The following ZNF362 variants were observed in gnomAD, a reference collection of about 807,000 sequenced individuals.
The protein encoded by ZNF362 is zinc finger protein 362.
In ZNF362, 11 loss-of-function variants were observed where a neutral mutation model predicts 42.9. The ratio of observed to expected loss-of-function variants is 0.26; its 90% confidence interval spans 0.16 to 0.42. The LOEUF is 0.42. Ranked by LOEUF, ZNF362 falls within the 20% of genes least tolerant of loss-of-function variation. The pLI is 1.00. For synonymous variants in ZNF362, 255 were observed against 257.3 expected, an observed-to-expected ratio of 0.99 and a Z score of 0.09; for missense variants, 362 against 576.2, an observed-to-expected ratio of 0.63 and a Z score of 3.81.
chr1:33,244,778 G>A, the ZNF362 span, among the ~76,000 whole-genome samples: 11 of 152,324 alleles, frequency 7.2e-5, no homozygotes, highest in East Asian at 2.1e-3. The surrounding 1 kb of genome is among the most constrained non-coding windows in gnomAD (Gnocchi z 4.0). Context: ...GGATTAAAAG[G>A]GAGTGGGGGC....
At chr1:33,185,423 T>C in the ZNF362 span, among the ~76,000 whole-genome samples, 1 of 152,048 alleles carries the variant, frequency 6.6e-6, no homozygotes, top group East Asian at 1.9e-4. Context: ...GGTTTCACCA[T>C]GTTGGCCAGG....
the ZNF362 span, among the ~76,000 whole-genome samples, chr1:33,212,871 G>A: frequency 3.4e-3 from 513 of 152,230 alleles, 6 homozygotes; most frequent in African/African-American, 0.012. Flanking sequence ...AAATGAAAGC[G>A]TACGTGCATG....
the ZNF362 span, among the ~76,000 whole-genome samples, chr1:33,233,634 C>T: frequency 3.1e-3 from 474 of 152,280 alleles, 15 homozygotes; most frequent in East Asian, 0.08. Flanking sequence ...GAACTCCTGA[C>T]CTGAAATGAT....
chr1:33,286,671 C>G lies in ZNF362; in HGVS notation c.908+4860C>G, dbSNP rs77880723. Among the ~76,000 whole-genome samples the G allele has an allele frequency of 7.7e-4, 117 of 152,198 alleles. 1 individual carries two copies. The East Asian group carries it at 0.019, about 25-fold the overall frequency. On this transcript the variant is annotated intron_variant, in intron 6 of 8. Transcript: ENST00000539719. ...ACTCAGTGGCAAAGAGGCGAGTGTC[C>G]CACATGCCCAGAACTCCCAGGATTC...
chr1:33,139,424 G>T, the ZNF362 span, among the ~76,000 whole-genome samples: 2 of 152,208 alleles, frequency 1.3e-5, no homozygotes, highest in African/African-American at 4.8e-5. Flanking sequence ...ATGCCTAGTG[G>T]CAGTGGGAGA....
chr1:33,148,104 AG>A, the ZNF362 span, among the ~76,000 whole-genome samples: 5 of 152,064 alleles, frequency 3.3e-5, no homozygotes, highest in African/African-American at 9.7e-5. Context: ...ACTGCCCCCT[AG>A]GGGGAATGGG....
the ZNF362 span, among the ~76,000 whole-genome samples, chr1:33,161,084 A>G: frequency 1.3e-5 from 2 of 152,228 alleles, no homozygotes; most frequent in Non-Finnish European, 1.5e-5. This position sits in a 1 kb window ranked among gnomAD's most constrained non-coding sequence, Gnocchi z 4.3. Flanking sequence ...CTTATCTGTG[A>G]AAGGAGTAAC....
At chr1:33,154,154 A>G in the ZNF362 span, among the ~76,000 whole-genome samples, 1 of 152,226 alleles carries the variant, frequency 6.6e-6, no homozygotes, top group African/African-American at 2.4e-5. Context: ...GAGGGAGAAT[A>G]TGGCTCATTT....
chr1:33,176,967 C>T, the ZNF362 span, among the ~76,000 whole-genome samples: 1 of 152,140 alleles, frequency 6.6e-6, no homozygotes, highest in Non-Finnish European at 1.5e-5. Context: ...GGGCTCCTTC[C>T]CTCCACTTTG....
the ZNF362 span, among the ~76,000 whole-genome samples, chr1:33,198,456 A>G: frequency 1.3e-5 from 2 of 152,300 alleles, no homozygotes; most frequent in African/African-American, 4.8e-5. Context: ...GTTTGAGCTC[A>G]GGAGTTTGGA....
At chr1:33,295,684 C>T (rs1261192575) in intron 8 of ZNF362, among the ~76,000 whole-genome samples, 1 of 152,184 alleles carries the variant, frequency 6.6e-6, no homozygotes, top group African/African-American at 2.4e-5. Flanking sequence ...AGTGACATGG[C>T]CCATAGCCAC....
the ZNF362 span, among the ~76,000 whole-genome samples, chr1:33,201,068 T>C: frequency 6.6e-6 from 1 of 151,604 alleles, no homozygotes; most frequent in East Asian, 1.9e-4. Flanking sequence ...AGGAAATAAT[T>C]TTTTTTTTGT....
chr1:33,251,053 A>G, the ZNF362 span, among the ~76,000 whole-genome samples: 17 of 152,164 alleles, frequency 1.1e-4, no homozygotes, highest in Non-Finnish European at 2.2e-4. Flanking sequence ...AGTATTTCCA[A>G]AAGAGAGAAT....
chr1:33,299,177 G>T lies in ZNF362; in HGVS notation c.*131G>T. ...CACGACCTTCCCAATCTTCCAGAAA[G>T]CTTGGTCCGCAGAAGCCCTGCCTGG... On this transcript the variant is annotated 3_prime_UTR_variant, in exon 9 of 9. Transcript: ENST00000539719. 1 of 708,424 alleles carries T rather than the reference G, an allele frequency of 1.4e-6. No homozygotes were observed. Among genetic ancestry groups the T allele is most frequent in the Non-Finnish European group, 2.4e-6 (1 of 420,364 alleles). 43.9% of individuals were successfully genotyped at this position (708,424 alleles called of 1,614,324 possible).
At chr1:33,283,197 G>A (rs906391363) in intron 6 of ZNF362, among the ~76,000 whole-genome samples, 11 of 152,032 alleles carry the variant, frequency 7.2e-5, no homozygotes, top group African/African-American at 2.2e-4. Context: ...TCATGATCTC[G>A]GATCACTGCA....
the ZNF362 span, among the ~76,000 whole-genome samples, chr1:33,226,883 A>C: frequency 2.4e-4 from 37 of 152,188 alleles, no homozygotes; most frequent in Non-Finnish European, 4.1e-4. Context: ...AAAGCAAAAC[A>C]AAACAAGACA....
chr1:33,173,772 C>G, the ZNF362 span, among the ~76,000 whole-genome samples: 4 of 151,702 alleles, frequency 2.6e-5, no homozygotes, highest in Admixed American at 2.0e-4. Flanking sequence ...AATCATAGCT[C>G]ACTATAGCCT....
the ZNF362 span, among the ~76,000 whole-genome samples, chr1:33,236,550 A>AAAAATAT: frequency 0.031 from 187 of 5,982 alleles, 29 homozygotes; most frequent in African/African-American, 0.069. Context: ...AAAAAAAAAA[A>AAAAATAT]ATATATATAT....
intron 8 of ZNF362, among the ~76,000 whole-genome samples, chr1:33,296,613 T>C (rs1189590071): frequency 6.7e-6 from 1 of 150,002 alleles, no homozygotes; most frequent in Non-Finnish European, 1.5e-5. Context: ...GGTGAAGCCT[T>C]GAAGGATAAT....
Sources: allele counts gnomAD v4.1 joint callset (sites outside exome capture counted in the v4.1 genomes callset), GRCh38; gene constraint gnomAD v4.1.1; non-coding constraint Gnocchi (gnomAD v3.1); transcripts MANE v1.5; gene names NCBI Gene and HGNC (gene_info 2026-07-23, HGNC 2026-07-21).